Variants in COTL1 observed in about 807,000 individuals in gnomAD.
COTL1 encodes coactosin-like protein.
COTL1 carries 15 observed loss-of-function variants against 16.5 expected under a neutral mutation model. That is an observed-to-expected ratio of 0.91 (90% CI 0.61 to 1.40). The LOEUF is 1.40. Ranked by LOEUF, COTL1 falls within the 40% of genes most tolerant of loss-of-function variation. The probability of loss-of-function intolerance (pLI) is 0.00; values close to 1 mark genes in which losing one functional copy is unlikely to be tolerated. For missense variants in COTL1, 220 were observed against 201.5 expected (o/e 1.09, Z -0.56); for synonymous variants, 112 against 85.3 (o/e 1.31, Z -1.73).
At position 84,618,013 on chromosome 16, in the gene COTL1, G is replaced by T; in HGVS notation, c.-99C>A. 2.8e-6 allele frequency: 2 copies of T among 718,884 alleles called. No homozygotes were observed. Among genetic ancestry groups the T allele is most frequent in the Non-Finnish European group, 3.7e-6 (2 of 546,576 alleles). 44.5% of individuals were successfully genotyped at this position (718,884 alleles called of 1,614,324 possible). A position where few individuals can be genotyped will look rare whatever the true frequency, so the allele number is the denominator to read the frequency against. On this transcript the variant is annotated 5_prime_UTR_variant, in exon 1 of 4. Transcript: ENST00000262428. ...CGGCGGGTACGCGCCGAGGGCGCAC[G>T]GGCTGGCGGCGGTGGCGACGGCTAC...
Position 84,566,916 on chromosome 16 carries a change from G to T in COTL1, c.358C>A (p.Leu120Met), listed in dbSNP as rs1259852418. ...TCGCTCTTGATGAAATCTTCCTCCA[G>T]CTCCTTCCGATCACTGATCACAAAC... ...KEFVISDRKE[L>M]EEDFIKSELK... Residue 120 changes from leucine (L) to methionine (M), a missense_variant, in exon 4 of 4, where the codon CTG becomes ATG. Transcript: ENST00000262428. 1 of 1,613,844 alleles carries T rather than the reference G, an allele frequency of 6.2e-7. No individual in the cohort carries two copies. Among genetic ancestry groups the T allele is most frequent in the African/African-American group, 1.3e-5 (1 of 74,904 alleles).
chr16:84,573,469 G>A (rs983396458), intron 3 of COTL1, among the ~76,000 whole-genome samples: 1 of 152,210 alleles, frequency 6.6e-6, no homozygotes, highest in Non-Finnish European at 1.5e-5. Flanking sequence ...TCAAAGGTAT[G>A]CATCATGAAC....
intron 3 of COTL1, chr16:84,576,260 GA>G (rs1302579944): frequency 6.6e-6 from 1 of 152,236 alleles, no homozygotes; most frequent in East Asian, 1.9e-4. Context: ...CGCCTATGAG[GA>G]TATTCCTAAC....
intron 3 of COTL1, 125 bp downstream of exon 3, chr16:84,589,980 T>C (rs775433801): frequency 2.9e-5 from 26 of 901,104 alleles, no homozygotes; most frequent in Non-Finnish European, 4.4e-5. Context: ...TGCAGAGACA[T>C]AGCATGGCTT....
intron 3 of COTL1, among the ~76,000 whole-genome samples, chr16:84,569,722 G>A (rs1282222595): frequency 6.6e-6 from 1 of 152,206 alleles, no homozygotes. Flanking sequence ...CTAAGTGTAT[G>A]TGATCCGTGC....
At chr16:84,607,333 G>A (rs1567540114) in intron 2 of COTL1, among the ~76,000 whole-genome samples, 1 of 152,186 alleles carries the variant, frequency 6.6e-6, no homozygotes, top group African/African-American at 2.4e-5. Flanking sequence ...AAGCGGGAAG[G>A]CAGGCCAGCG....
Position 84,617,759 on chromosome 16 carries a change from C to G in COTL1, c.77+79G>C, listed in dbSNP as rs1905536113. Reference sequence around the variant, plus strand: ...CAGCGCGGGAGGCCCGAATCCGTCCCGCCTGGAGGCCGGCTCGGTGCACGA... The same window carrying G: ...CAGCGCGGGAGGCCCGAATCCGTCCGGCCTGGAGGCCGGCTCGGTGCACGA... On this transcript the variant is annotated intron_variant, in intron 1 of 3. Transcript: ENST00000262428. The G allele has an allele frequency of 2.1e-6, 3 of 1,456,498 alleles. No individual in the cohort carries two copies. The East Asian group carries it at 7.5e-5, about 36-fold the overall frequency. 90.2% of individuals were successfully genotyped at this position (1,456,498 alleles called of 1,614,324 possible).
At chr16:84,573,481 T>C (rs1597167203) in intron 3 of COTL1, among the ~76,000 whole-genome samples, 1 of 152,152 alleles carries the variant, frequency 6.6e-6, no homozygotes, top group East Asian at 1.9e-4. Context: ...ATCATGAACA[T>C]TCAAAATACA....
intron 2 of COTL1, among the ~76,000 whole-genome samples, chr16:84,613,094 G>C (rs1905374651): frequency 6.6e-6 from 1 of 151,052 alleles, no homozygotes; most frequent in South Asian, 2.1e-4. Context: ...TCTGCCTCCT[G>C]GGTTCAAGTG....
intron 3 of COTL1, among the ~76,000 whole-genome samples, chr16:84,579,320 C>G (rs1904525396): frequency 6.6e-6 from 1 of 152,178 alleles, no homozygotes. Context: ...AACATGGCAT[C>G]TCTATTAAAA....
intron 2 of COTL1, among the ~76,000 whole-genome samples, chr16:84,611,521 C>T (rs1028344716): frequency 2.0e-5 from 3 of 152,128 alleles, no homozygotes; most frequent in Admixed American, 6.6e-5. Context: ...ATGAGACCAG[C>T]GGTCTGTCCT....
intron 2 of COTL1, among the ~76,000 whole-genome samples, chr16:84,607,002 C>G (rs537082484): frequency 6.6e-6 from 1 of 152,344 alleles, no homozygotes; most frequent in Non-Finnish European, 1.5e-5. Context: ...CAGCCCATGA[C>G]TTGGGCCCAC....
At chr16:84,617,231 G>A (rs958360944) in intron 2 of COTL1, among the ~76,000 whole-genome samples, 1 of 152,218 alleles carries the variant, frequency 6.6e-6, no homozygotes, top group East Asian at 1.9e-4. Flanking sequence ...TAGAAAACCA[G>A]TGGACCGCAG....
At chr16:84,579,760 G>A (rs1402543008) in intron 3 of COTL1, among the ~76,000 whole-genome samples, 3 of 152,184 alleles carry the variant, frequency 2.0e-5, no homozygotes, top group African/African-American at 2.4e-5. Flanking sequence ...CAAGATGTCC[G>A]AGAATAAAGA....
chr16:84,617,094 G>GC (rs1713709972), intron 2 of COTL1, among the ~76,000 whole-genome samples: 1 of 152,172 alleles, frequency 6.6e-6, no homozygotes, highest in Non-Finnish European at 1.5e-5. Context: ...AAAGGAGGGC[G>GC]CGGCTGAGTT....
chr16:84,591,231 T>C (rs1904853304), intron 2 of COTL1, among the ~76,000 whole-genome samples: 1 of 150,742 alleles, frequency 6.6e-6, no homozygotes, highest in Non-Finnish European at 1.5e-5. Context: ...TCGCCCAGGC[T>C]GAAGTGCAGT....
chr16:84,614,440 G>A (rs1014925404), intron 2 of COTL1, among the ~76,000 whole-genome samples: 5 of 151,854 alleles, frequency 3.3e-5, no homozygotes, highest in African/African-American at 7.3e-5. Context: ...AGGAGGCTGG[G>A]AAGAAATGAG....
rs1469613082 is a variant in COTL1 at position 84,618,002 on chromosome 16, C to T, written c.-88G>A. ...GGATGGGAGCGCGGCGGGTACGCGCCGAGGGCGCACGGGCTGGCGGCGGTG... is the reference window on the plus strand; with the variant it reads ...GGATGGGAGCGCGGCGGGTACGCGCTGAGGGCGCACGGGCTGGCGGCGGTG... On this transcript the variant is annotated 5_prime_UTR_variant, in exon 1 of 4. Coordinates refer to ENST00000262428, the MANE Select transcript of COTL1 (RefSeq NM_021149.5). The T allele has an allele frequency of 1.2e-6, 1 of 847,752 alleles. No homozygotes were observed. Among genetic ancestry groups the T allele is most frequent in the Non-Finnish European group, 1.5e-6 (1 of 645,886 alleles). 52.5% of individuals were successfully genotyped at this position (847,752 alleles called of 1,614,324 possible).
At chr16:84,616,069 T>C (rs1905473438) in intron 2 of COTL1, 1 of 152,234 alleles carries the variant, frequency 6.6e-6, no homozygotes, top group Non-Finnish European at 1.5e-5. Flanking sequence ...CAGGCACTGT[T>C]CTGAGCATTT....
Sources: gnomAD v4.1 joint callset for allele counts (sites outside exome capture counted in the v4.1 genomes callset) on GRCh38, gnomAD v4.1.1 for gene constraint, MANE v1.5 for transcripts, NCBI Gene and HGNC (gene_info 2026-07-23, HGNC 2026-07-21) for gene names.